CTNNA3: variants seen among roughly 807,000 people sequenced by gnomAD.
CTNNA3 encodes catenin alpha 3, also known as catenin alpha-3.
A neutral mutation model predicts 95.7 loss-of-function variants in CTNNA3; 76 were observed. That is an observed-to-expected ratio of 0.79 (90% CI 0.66 to 0.96). The LOEUF (loss-of-function observed/expected upper bound fraction) is 0.96. CTNNA3 is among the 40% of genes least tolerant of loss of function. The pLI is 0.00. For synonymous variants in CTNNA3, 431 were observed against 374.4 expected, an observed-to-expected ratio of 1.15 and a Z score of -1.74; for missense variants, 1,191 against 1,089.8, an observed-to-expected ratio of 1.09 and a Z score of -1.31.
intron 9 of CTNNA3, among the ~76,000 whole-genome samples, chr10:66,665,415 C>T (rs925236861): frequency 6.6e-6 from 1 of 152,194 alleles, no homozygotes; most frequent in Non-Finnish European, 1.5e-5. Context: ...TAGTAAAGCC[C>T]TTTGCATGCT....
chr10:66,600,510 G>T (rs1215292797), intron 10 of CTNNA3, among the ~76,000 whole-genome samples: 2 of 151,540 alleles, frequency 1.3e-5, no homozygotes, highest in Non-Finnish European at 3.0e-5. Flanking sequence ...TGCCAAAATT[G>T]CATAACACAC....
chr10:66,630,102 C>T (rs1845079967), intron 9 of CTNNA3, among the ~76,000 whole-genome samples: 1 of 152,154 alleles, frequency 6.6e-6, no homozygotes, highest in Non-Finnish European at 1.5e-5. Flanking sequence ...ATTCAGCCTA[C>T]AGTGCCAGTA....
intron 5 of CTNNA3, among the ~76,000 whole-genome samples, chr10:67,232,680 T>C (rs1191016812): frequency 6.6e-6 from 1 of 151,224 alleles, no homozygotes; most frequent in Non-Finnish European, 1.5e-5. Context: ...TAAATGTAAA[T>C]GGACTAAATG....
chr10:66,445,018 G>A (rs566373069), intron 11 of CTNNA3, among the ~76,000 whole-genome samples: 3 of 152,112 alleles, frequency 2.0e-5, no homozygotes, highest in African/African-American at 2.4e-5. Flanking sequence ...GGCAGGGGTC[G>A]CAATCCTAGT....
chr10:66,005,032 C>A (rs2078852147), intron 15 of CTNNA3, among the ~76,000 whole-genome samples: 1 of 152,178 alleles, frequency 6.6e-6, no homozygotes, highest in South Asian at 2.1e-4. Context: ...AGAATCCATT[C>A]TCTCACCATT....
At chr10:66,324,088 G>A (rs1185994744) in intron 12 of CTNNA3, among the ~76,000 whole-genome samples, 2 of 151,982 alleles carry the variant, frequency 1.3e-5, no homozygotes, top group Admixed American at 1.3e-4. Context: ...TTGGGAGGCT[G>A]AGGCAGGCAG....
At chr10:66,455,679 T>G (rs553509184) in intron 11 of CTNNA3, among the ~76,000 whole-genome samples, 1 of 152,324 alleles carries the variant, frequency 6.6e-6, no homozygotes, top group East Asian at 1.9e-4. Context: ...ATAGTCCACA[T>G]GCTGCTACTG....
intron 9 of CTNNA3, among the ~76,000 whole-genome samples, chr10:66,751,130 T>A (rs931101268): frequency 1.3e-5 from 2 of 152,030 alleles, no homozygotes; most frequent in African/African-American, 4.8e-5. Flanking sequence ...TAGCCAGGCA[T>A]GGTGGTGCAT....
At chr10:67,538,277 G>A (rs1840551557) in intron 4 of CTNNA3, among the ~76,000 whole-genome samples, 1 of 151,192 alleles carries the variant, frequency 6.6e-6, no homozygotes, top group Non-Finnish European at 1.5e-5. Context: ...AAGCAATAGT[G>A]AATACAAGAA....
intron 7 of CTNNA3, among the ~76,000 whole-genome samples, chr10:66,958,940 T>C (rs1848976741): frequency 6.6e-6 from 1 of 152,160 alleles, no homozygotes; most frequent in Non-Finnish European, 1.5e-5. Flanking sequence ...CTTGTCCAAG[T>C]AGTTACGCTT....
At chr10:66,581,136 C>T (rs1346153675) in intron 10 of CTNNA3, among the ~76,000 whole-genome samples, 4 of 151,746 alleles carry the variant, frequency 2.6e-5, no homozygotes, top group Non-Finnish European at 5.9e-5. Context: ...TTTCTTTATC[C>T]ACTCATCAGT....
chr10:66,010,367 T>A (rs2078981551), intron 15 of CTNNA3, among the ~76,000 whole-genome samples: 1 of 152,116 alleles, frequency 6.6e-6, no homozygotes, highest in Non-Finnish European at 1.5e-5. Context: ...TGAGCACAGA[T>A]GCTATAGTAA....
chr10:65,964,774 T>A (rs1047199639), intron 17 of CTNNA3, among the ~76,000 whole-genome samples: 1 of 152,222 alleles, frequency 6.6e-6, no homozygotes, highest in East Asian at 1.9e-4. Flanking sequence ...CTTTTTTACA[T>A]ATTTAAGGCA....
intron 7 of CTNNA3, among the ~76,000 whole-genome samples, chr10:66,889,485 TA>T (rs1294987190): frequency 6.6e-6 from 1 of 152,186 alleles, no homozygotes; most frequent in Non-Finnish European, 1.5e-5. Context: ...GTGTATGTGG[TA>T]AATCTATCTT....
intron 13 of CTNNA3, among the ~76,000 whole-genome samples, chr10:66,245,933 A>G (rs2090301532): frequency 6.6e-6 from 1 of 152,174 alleles, no homozygotes; most frequent in African/African-American, 2.4e-5. Context: ...TGGGCCTCAA[A>G]TGGGAGGAAG....
At chr10:67,232,143 T>C (rs1024575772) in intron 5 of CTNNA3, among the ~76,000 whole-genome samples, 1 of 151,866 alleles carries the variant, frequency 6.6e-6, no homozygotes, top group Non-Finnish European at 1.5e-5. Context: ...AACATTCAGA[T>C]TCAGGAAATA....
intron 5 of CTNNA3, among the ~76,000 whole-genome samples, chr10:67,282,575 C>CA (rs1259169200): frequency 1.3e-5 from 2 of 152,200 alleles, no homozygotes; most frequent in East Asian, 3.8e-4. Context: ...TTTGCTCTTA[C>CA]ATTATTTGAT....
intron 15 of CTNNA3, among the ~76,000 whole-genome samples, chr10:66,038,323 G>T (rs1278529259): frequency 1.3e-5 from 2 of 152,160 alleles, no homozygotes; most frequent in African/African-American, 4.8e-5. Context: ...GCATTCCAGT[G>T]GCAAGGAGTC....
chr10:66,337,164 T>A (rs566397067), intron 12 of CTNNA3, among the ~76,000 whole-genome samples: 1 of 152,138 alleles, frequency 6.6e-6, no homozygotes, highest in East Asian at 1.9e-4. Flanking sequence ...ATTGGAAAAA[T>A]TAATTTGTAA....
Sources: allele counts gnomAD v4.1 joint callset (sites outside exome capture counted in the v4.1 genomes callset), GRCh38; gene constraint gnomAD v4.1.1; transcripts MANE v1.5; gene names NCBI Gene and HGNC (gene_info 2026-07-23, HGNC 2026-07-21).